ENPP6: variants seen among roughly 807,000 people sequenced by gnomAD.
ENPP6 encodes glycerophosphocholine cholinephosphodiesterase ENPP6.
Under a neutral mutation model 42.0 loss-of-function variants are expected in ENPP6, and 32 were observed. The observed-to-expected ratio is 0.76, with a 90% CI of 0.58 to 1.02. The LOEUF (loss-of-function observed/expected upper bound fraction) is 1.02, where lower values mean the gene tolerates loss of function less well. ENPP6 is among the 50% of genes least tolerant of loss of function. ENPP6 has a pLI of 0.00. For synonymous variants in ENPP6, 213 were observed against 216.0 expected, an observed-to-expected ratio of 0.99 and a Z score of 0.12; for missense variants, 552 against 566.8, an observed-to-expected ratio of 0.97 and a Z score of 0.27.
chr4:184,162,881 A>G (rs529591982), intron 1 of ENPP6, among the ~76,000 whole-genome samples: 34 of 152,242 alleles, frequency 2.2e-4, no homozygotes, highest in Admixed American at 7.2e-4. Context: ...GAGGGGAGCC[A>G]ATGGCATGAA....
At chr4:184,179,598 T>C (rs1732515932) in intron 1 of ENPP6, among the ~76,000 whole-genome samples, 1 of 152,062 alleles carries the variant, frequency 6.6e-6, no homozygotes, top group South Asian at 2.1e-4. Flanking sequence ...AACTGTAAAA[T>C]CAATCACATA....
chr4:184,141,134 G>A (rs1181716667), intron 2 of ENPP6, among the ~76,000 whole-genome samples: 1 of 152,210 alleles, frequency 6.6e-6, no homozygotes, highest in Non-Finnish European at 1.5e-5. Flanking sequence ...ATTTGCGTGG[G>A]AGCTTTGTTT....
chr4:184,117,251 A>G (rs1736335998), intron 4 of ENPP6, among the ~76,000 whole-genome samples: 1 of 152,134 alleles, frequency 6.6e-6, no homozygotes, highest in African/African-American at 2.4e-5. Context: ...TCGTGCTGAC[A>G]CCTTACACAG....
intron 6 of ENPP6, among the ~76,000 whole-genome samples, chr4:184,109,527 A>T (rs1736165104): frequency 6.6e-6 from 1 of 152,170 alleles, no homozygotes; most frequent in African/African-American, 2.4e-5. Flanking sequence ...TATCATTAGT[A>T]ATTAAAGGTG....
chr4:184,199,860 C>G (rs962130202), intron 1 of ENPP6, among the ~76,000 whole-genome samples: 3 of 152,264 alleles, frequency 2.0e-5, no homozygotes, highest in African/African-American at 7.2e-5. Context: ...TCTGCTCCCA[C>G]TCAGTGGGCC....
chr4:184,169,928 A>T (rs1376549156), intron 1 of ENPP6, among the ~76,000 whole-genome samples: 2 of 152,250 alleles, frequency 1.3e-5, no homozygotes, highest in Non-Finnish European at 2.9e-5. Flanking sequence ...CCCACACTGG[A>T]ATATTTTTAA....
chr4:184,180,808 C>T (rs1264188126), intron 1 of ENPP6, among the ~76,000 whole-genome samples: 13 of 152,174 alleles, frequency 8.5e-5, no homozygotes, highest in Non-Finnish European at 1.6e-4. Context: ...TAAAATTCAA[C>T]ATTCCTTCAT....
chr4:184,181,479 T>C (rs891976760), intron 1 of ENPP6, among the ~76,000 whole-genome samples: 1 of 152,114 alleles, frequency 6.6e-6, no homozygotes, highest in African/African-American at 2.4e-5. Flanking sequence ...TAAACTACCA[T>C]TGACATTCTT....
intron 2 of ENPP6, among the ~76,000 whole-genome samples, chr4:184,129,913 A>G (rs1237038656): frequency 8.0e-6 from 1 of 125,784 alleles, no homozygotes; most frequent in Non-Finnish European, 1.7e-5. Flanking sequence ...CACAATTTCA[A>G]TGACTGGTTT....
intron 1 of ENPP6, among the ~76,000 whole-genome samples, chr4:184,203,165 C>T (rs143975065): frequency 0.017 from 2,624 of 152,042 alleles, 75 homozygotes; most frequent in Admixed American, 0.059. Flanking sequence ...GCAGGAGAAT[C>T]GCTTGAACCA....
At chr4:184,205,448 C>T (rs1020553225) in intron 1 of ENPP6, among the ~76,000 whole-genome samples, 13 of 152,218 alleles carry the variant, frequency 8.5e-5, no homozygotes, top group African/African-American at 2.4e-4. Context: ...GGAGGAGCAG[C>T]GTGCTCAAGC....
chr4:184,091,444 C>A, intron 7 of ENPP6, 62 bp from the exon 8 acceptor site: 1 of 1,456,436 alleles, frequency 6.9e-7, no homozygotes, highest in Non-Finnish European at 9.4e-7. Context: ...GTGGGCTGAA[C>A]GCAATAAAGA....
intron 2 of ENPP6, among the ~76,000 whole-genome samples, chr4:184,125,303 G>A (rs1432670365): frequency 6.6e-6 from 1 of 152,216 alleles, no homozygotes; most frequent in African/African-American, 2.4e-5. Context: ...AGGTGGGCTG[G>A]GAGGAAGTCC....
At chr4:184,118,079 A>G (rs1480178452) in intron 3 of ENPP6, among the ~76,000 whole-genome samples, 179 bp from the exon 4 acceptor site, 1 of 152,224 alleles carries the variant, frequency 6.6e-6, no homozygotes, top group African/African-American at 2.4e-5. Context: ...CACACACTGA[A>G]CCAAGAATTG....
intron 1 of ENPP6, among the ~76,000 whole-genome samples, chr4:184,199,645 C>T (rs529620988): frequency 2.0e-5 from 3 of 152,312 alleles, no homozygotes; most frequent in South Asian, 4.2e-4. Context: ...ACCGTGACAT[C>T]CACAGACACA....
Position 184,138,980 on chromosome 4 carries a change from A to C in ENPP6, c.421+14574T>G, listed in dbSNP as rs1736774989. On this transcript the variant is annotated intron_variant, in intron 2 of 7. Transcript: ENST00000296741. Reference sequence around the variant, plus strand: ...TACAGACTCAGATAATGGGGTGAGAAGGTCCTATCTCCACCCATCAGAGGT... The same window carrying C: ...TACAGACTCAGATAATGGGGTGAGACGGTCCTATCTCCACCCATCAGAGGT... Among the ~76,000 whole-genome samples the C allele has an allele frequency of 3.9e-5, 6 of 152,272 alleles. No individual in the cohort carries two copies. The South Asian group carries it at 1.2e-3, about 31-fold the overall frequency.
intron 2 of ENPP6, among the ~76,000 whole-genome samples, chr4:184,139,373 T>C (rs919193418): frequency 9.2e-5 from 14 of 151,758 alleles, no homozygotes; most frequent in African/African-American, 3.4e-4. Flanking sequence ...ATTATTATTA[T>C]ACTTTAAGTT....
In ENPP6 at chr4:184,217,815, G is replaced by A. The variant is rs1247876233; in HGVS notation, c.5C>T (p.Ala2Val). 2 of 1,613,190 alleles carry A rather than the reference G, an allele frequency of 1.2e-6. No individual in the cohort carries two copies. Among genetic ancestry groups the A allele is most frequent in the South Asian group, 1.1e-5 (1 of 91,006 alleles). The change falls in exon 1 of 8, where the codon GCA becomes GTA. Residue 2 changes from alanine to valine, a missense_variant. By Grantham distance (64) the Ala-to-Val change is moderately conservative (BLOSUM62 0). Around this residue, in one of 2 missense-constraint regions of ENPP6, gnomAD observed 7 missense variants for 20.6 expected, o/e 0.34. Coordinates refer to ENST00000296741, the MANE Select transcript of ENPP6 (RefSeq NM_153343.4). ...CAGCAGGAGGGTCCCAAGCTTCACTGCCATGCTGCCAGGAGCCTGCCAGAG... is the reference window on the plus strand; with the variant it reads ...CAGCAGGAGGGTCCCAAGCTTCACTACCATGCTGCCAGGAGCCTGCCAGAG... MAVKLGTLLLAL... is the reference protein window; with the variant it reads MVVKLGTLLLAL...
chr4:184,128,060 A>T (rs529513343), intron 2 of ENPP6, among the ~76,000 whole-genome samples: 94 of 152,366 alleles, frequency 6.2e-4, no homozygotes, highest in African/African-American at 1.9e-3. Flanking sequence ...AACAAAAAAA[A>T]TTGATCAAAT....
Sources: gnomAD v4.1 joint callset for allele counts (sites outside exome capture counted in the v4.1 genomes callset) on GRCh38, gnomAD v4.1.1 for gene constraint, gnomAD v4.1.1 regional missense constraint, MANE v1.5 for transcripts, NCBI Gene and HGNC (gene_info 2026-07-23, HGNC 2026-07-21) for gene names.